The following MELTF variants were observed in gnomAD, a reference collection of about 807,000 sequenced individuals.
The protein encoded by MELTF is melanotransferrin, also known as antigen p97 (melanoma associated) identified by monoclonal antibodies 133.2 and 96.5.
Under a neutral mutation model 83.7 loss-of-function variants are expected in MELTF, and 67 were observed. The ratio of observed to expected loss-of-function variants is 0.80; its 90% CI spans 0.66 to 0.98. The LOEUF (loss-of-function observed/expected upper bound fraction) is 0.98. Among genes scored for constraint, MELTF ranks in the 50% least tolerant of loss-of-function variants. MELTF has a pLI of 0.00. For synonymous variants in MELTF, 462 were observed against 447.6 expected, an observed-to-expected ratio of 1.03 and a Z score of -0.41; for missense variants, 1,002 against 1,035.6, an observed-to-expected ratio of 0.97 and a Z score of 0.44.
rs1719186759 is a variant in MELTF at position 197,011,531 on chromosome 3, G to C, written c.1234-737C>G. Among the ~76,000 whole-genome samples the C allele has an allele frequency of 6.6e-6, 1 of 152,186 alleles. No individual in the cohort carries two copies. Among genetic ancestry groups the C allele is most frequent in the South Asian group, 2.1e-4 (1 of 4,836 alleles). The stretch of plus-strand genomic sequence containing the variant: ...GAGAGTGCGGACACCTGTGCCCCAG[G>C]AAGGTGTCCCACGCCATTCCTGAAG... On this transcript the variant is annotated intron_variant, in intron 9 of 15. Transcript: ENST00000296350. The surrounding 1 kb of genome is among the most constrained non-coding windows in gnomAD (Gnocchi z 4.2).
intron 8 of MELTF, 69 bp from the exon 9 acceptor site, chr3:197,015,585 A>C: frequency 1.3e-6 from 2 of 1,508,972 alleles, no homozygotes. Context: ...AGTCGGACCC[A>C]AGGGAAATTC....
intron 6 of MELTF, 123 bp downstream of exon 6, chr3:197,021,281 C>A: frequency 1.2e-6 from 1 of 848,706 alleles, no homozygotes; most frequent in South Asian, 1.6e-5. Context: ...CAAGGTCACC[C>A]AGAGACTCAG....
In MELTF at chr3:197,022,980, G is replaced by GT. The variant is rs1232230016; in HGVS notation, c.620dup (p.Tyr207Ter). The change falls in exon 5 of 16, where the codon TAC becomes TAAC. Residue 207 changes from tyrosine (Y) to a stop codon, truncating the protein, a stop_gained and frameshift_variant. Transcript: ENST00000296350. LOFTEE classifies it high-confidence loss of function. The surrounding 1 kb of genome is among the most constrained non-coding windows in gnomAD (Gnocchi z 5.1). Reference protein sequence around the residue: ...GVCDKSPLERYYDYSGAFRCL... With the variant: ...GVCDKSPLER Reference sequence around the variant, plus strand: ...ACCGGAAGGCCCCGCTGTAGTCGTAGTATCTCTCCAGGGGGCTCTTGTCAC... The same window carrying GT: ...ACCGGAAGGCCCCGCTGTAGTCGTAGTTATCTCTCCAGGGGGCTCTTGTCAC... 6.2e-7 allele frequency: 1 copy of GT among 1,611,512 alleles called. No homozygotes were observed. The highest frequency in any genetic ancestry group is 2.2e-5 in the East Asian group (1 of 44,652).
At position 197,021,402 on chromosome 3, in the gene MELTF, A is replaced by T; in HGVS notation, c.712+2T>A. 6.2e-7 allele frequency: 1 copy of T among 1,613,270 alleles called. No homozygotes were observed. Among genetic ancestry groups the T allele is most frequent in the Non-Finnish European group, 8.5e-7 (1 of 1,179,706 alleles). On this transcript the variant is annotated splice_donor_variant, in intron 6 of 15. Transcript: ENST00000296350. LOFTEE classifies it high-confidence loss of function. The stretch of plus-strand genomic sequence containing the variant: ...CTGGGCCCGTGCCCCTCCCCCACTC[A>T]CCATCCGTGTTCTCCAGTACCGTGC...
chr3:197,020,332 G>A (rs1443494510), intron 6 of MELTF, among the ~76,000 whole-genome samples: 1 of 152,178 alleles, frequency 6.6e-6, no homozygotes, highest in Non-Finnish European at 1.5e-5. Context: ...CTGCAATATC[G>A]GCTATAGACT....
At chr3:197,018,158 T>A (rs1483988984) in intron 6 of MELTF, among the ~76,000 whole-genome samples, 1 of 152,204 alleles carries the variant, frequency 6.6e-6, no homozygotes, top group African/African-American at 2.4e-5. Flanking sequence ...CCCCCCCTTT[T>A]TCTTTTTGAG....
In MELTF at chr3:197,008,981, G is replaced by C. The variant is rs1249521934; in HGVS notation, c.1526-16C>G. 1.2e-6 allele frequency: 2 copies of C among 1,613,520 alleles called. No individual in the cohort carries two copies. The highest frequency in any genetic ancestry group is 2.2e-5 in the South Asian group (2 of 91,056). On this transcript the variant is annotated splice_polypyrimidine_tract_variant and intron_variant, in intron 11 of 15. Coordinates refer to ENST00000296350, the MANE Select transcript of MELTF (RefSeq NM_005929.6). The surrounding 1 kb of genome is among the most constrained non-coding windows in gnomAD (Gnocchi z 5.4). ...TCGCTCACTGCTGGGGTGGAGGGAA[G>C]GGCAATGATGAGGGGCCAGCAGTGG...
At chr3:197,028,109 A>AC (rs1719940447) in intron 1 of MELTF, 199 bp from the exon 2 acceptor site, 3 of 594,298 alleles carry the variant, frequency 5.0e-6, no homozygotes, top group Non-Finnish European at 8.7e-6. Context: ...GGCCTCTCTG[A>AC]CCAGGAGCAC....
rs1408068993 is a variant in MELTF at position 197,017,270 on chromosome 3, C to T, written c.733G>A (p.Gly245Ser). 1 of 1,566,782 alleles carries T rather than the reference C, an allele frequency of 6.4e-7. No individual in the cohort carries two copies. Among genetic ancestry groups the T allele is most frequent in the Non-Finnish European group, 8.7e-7 (1 of 1,155,864 alleles). The change falls in exon 7 of 16, where the codon GGC becomes AGC. Residue 245 changes from glycine (G) to serine (S), a missense_variant. Coordinates refer to ENST00000296350, the MANE Select transcript of MELTF (RefSeq NM_005929.6). ...AAGTCCTGTGACAGCAGGGCCTGGCCCCAGGAGGGAAGCGTCTTCCCTGGG... is the reference window on the plus strand; with the variant it reads ...AAGTCCTGTGACAGCAGGGCCTGGCTCCAGGAGGGAAGCGTCTTCCCTGGG... ...NTDGKTLPSW[G>S]QALLSQDFEL...
chr3:197,008,620 C>G lies in MELTF; in HGVS notation c.1750+37G>C, dbSNP rs372133931. ...GTGCTGAAGATGGGGAACAGTCCCCCCGACCTACCTTTGGCCCTGCTCTTG... is the reference window on the plus strand; with the variant it reads ...GTGCTGAAGATGGGGAACAGTCCCCGCGACCTACCTTTGGCCCTGCTCTTG... On this transcript the variant is annotated intron_variant, in intron 13 of 15. Transcript: ENST00000296350. This position sits in a 1 kb window ranked among gnomAD's most constrained non-coding sequence, Gnocchi z 5.4. 5 of 1,597,604 alleles carry G rather than the reference C, an allele frequency of 3.1e-6. No individual in the cohort carries two copies. In the African/African-American group the frequency reaches 5.4e-5, roughly 17 times the overall value.
At position 197,003,265 on chromosome 3, in the gene MELTF, G is replaced by A; in HGVS notation, c.*107C>T. ...GGCTCCCGGGGAGGCGCCTGCTCCC[G>A]CCCACGCCGGGCCCGGCCTTCGCGA... is the stretch of plus-strand genomic sequence containing the variant. On this transcript the variant is annotated 3_prime_UTR_variant, in exon 16 of 16. Transcript: ENST00000296350. The surrounding 1 kb of genome is among the most constrained non-coding windows in gnomAD (Gnocchi z 6.2). 2.0e-6 allele frequency: 2 copies of A among 982,068 alleles called. No individual in the cohort carries two copies. The highest frequency in any genetic ancestry group is 4.8e-5 in the South Asian group (1 of 20,858). 60.8% of individuals were successfully genotyped at this position (982,068 alleles called of 1,614,324 possible). A position where few individuals can be genotyped will look rare whatever the true frequency, so the allele number is the denominator to read the frequency against.
At chr3:197,021,710 C>T (rs1719630361) in intron 5 of MELTF, among the ~76,000 whole-genome samples, 1 of 152,220 alleles carries the variant, frequency 6.6e-6, no homozygotes, top group Non-Finnish European at 1.5e-5. Flanking sequence ...CAGGGCTGCT[C>T]TGAGGATGAG....
At chr3:197,018,605 C>T (rs958612287) in intron 6 of MELTF, among the ~76,000 whole-genome samples, 2 of 151,930 alleles carry the variant, frequency 1.3e-5, no homozygotes, top group Admixed American at 6.6e-5. Context: ...CACCAAGATG[C>T]CTGGCTAATT....
At chr3:197,009,015 G>T in intron 11 of MELTF, 50 bp from the exon 12 acceptor site, 1 of 1,606,640 alleles carries the variant, frequency 6.2e-7, no homozygotes, top group Non-Finnish European at 8.5e-7. Context: ...GGAAAGTGTG[G>T]GAGGGAGCTG....
intron 11 of MELTF, 106 bp from the exon 12 acceptor site, chr3:197,009,071 C>T (rs570977252): frequency 6.3e-5 from 84 of 1,335,748 alleles, no homozygotes; most frequent in Non-Finnish European, 8.3e-5. Context: ...GGATCCTACA[C>T]TGCAAGGCCA....
intron 2 of MELTF, 139 bp from the exon 3 acceptor site, chr3:197,026,898 C>G (rs554087068): frequency 1.5e-6 from 1 of 649,050 alleles, no homozygotes; most frequent in African/African-American, 1.8e-5. Context: ...CCCAGGAGCC[C>G]AACCAGAGCC....
At position 197,022,911 on chromosome 3, in the gene MELTF, C is replaced by T. The variant is rs150310008; in HGVS notation, c.644+46G>A. 166 of 1,558,698 alleles carry T rather than the reference C, an allele frequency of 1.1e-4. 1 individual carries two copies. In the African/African-American group the frequency reaches 1.2e-3, roughly 11 times the overall value. ...TGTTTTTCCCCAGCATTTGTGGCCT[C>T]AGCTCCTCCCTGCCCTCGGCCCCTC... On this transcript the variant is annotated intron_variant, in intron 5 of 15. Transcript: ENST00000296350. This position sits in a 1 kb window ranked among gnomAD's most constrained non-coding sequence, Gnocchi z 5.1.
chr3:197,014,512 C>T (rs1187518690), intron 9 of MELTF, among the ~76,000 whole-genome samples: 1 of 151,378 alleles, frequency 6.6e-6, no homozygotes, highest in African/African-American at 2.4e-5. Context: ...CTCAGCCTCC[C>T]AAGTAGTTGG....
Position 197,008,253 on chromosome 3 carries a change from G to A in MELTF, c.1750+404C>T, listed in dbSNP as rs1719048827. The stretch of plus-strand genomic sequence containing the variant: ...GCTGCAGAGAGATTTCCTTGCATGA[G>A]GCAGTGACCTGCTCAGGAACACAGA... On this transcript the variant is annotated intron_variant, in intron 13 of 15. Transcript: ENST00000296350. The surrounding 1 kb of genome is among the most constrained non-coding windows in gnomAD (Gnocchi z 5.4). Among the ~76,000 whole-genome samples the A allele has an allele frequency of 6.6e-6, 1 of 152,162 alleles. No homozygotes were observed. The highest frequency in any genetic ancestry group is 1.5e-5 in the Non-Finnish European group (1 of 68,036).
Sources: gnomAD v4.1 joint callset for allele counts (sites outside exome capture counted in the v4.1 genomes callset) on GRCh38, gnomAD v4.1.1 for gene constraint, Gnocchi (gnomAD v3.1) non-coding constraint, MANE v1.5 for transcripts, NCBI Gene and HGNC (gene_info 2026-07-23, HGNC 2026-07-21) for gene names.